Variants in SORCS2 observed in about 807,000 individuals in gnomAD.
SORCS2 encodes VPS10 domain-containing receptor SorCS2.
Under a neutral mutation model 141.6 loss-of-function variants are expected in SORCS2, and 100 were observed. That is an observed-to-expected ratio of 0.71 (90% CI 0.60 to 0.83). The LOEUF (loss-of-function observed/expected upper bound fraction) is 0.83, where lower values mean the gene tolerates loss of function less well. Among genes scored for constraint, SORCS2 ranks in the 40% least tolerant of loss-of-function variants. The pLI, the probability that SORCS2 is intolerant of heterozygous loss-of-function variation, is 0.00. For synonymous variants in SORCS2, 789 were observed against 676.9 expected (o/e 1.17, Z -2.57); for missense variants, 1,646 against 1,560.2 (o/e 1.05, Z -0.93).
intron 3 of SORCS2, among the ~76,000 whole-genome samples, chr4:7,579,306 G>A (rs995558300): frequency 6.6e-5 from 10 of 152,084 alleles, no homozygotes; most frequent in African/African-American, 2.4e-4. Flanking sequence ...CATATACTGA[G>A]TAGCTGAGTA....
chr4:7,359,286 A>T (rs531921905), intron 1 of SORCS2, among the ~76,000 whole-genome samples: 1 of 150,600 alleles, frequency 6.6e-6, no homozygotes, highest in Admixed American at 6.6e-5. Flanking sequence ...ACAGAGCGAG[A>T]CTCTGTTAAG....
intron 7 of SORCS2, among the ~76,000 whole-genome samples, chr4:7,665,493 TC>T (rs1200816318): frequency 6.6e-6 from 1 of 152,210 alleles, no homozygotes; most frequent in Non-Finnish European, 1.5e-5. Flanking sequence ...ACTGGCTGAT[TC>T]CTGCTCCTTC....
At chr4:7,235,513 G>A (rs751712423) in intron 1 of SORCS2, among the ~76,000 whole-genome samples, 1 of 152,208 alleles carries the variant, frequency 6.6e-6, no homozygotes, top group Non-Finnish European at 1.5e-5. Context: ...AGGTTTCTGC[G>A]ACTGCAGAGA....
rs114324638 is a variant in SORCS2, at chr4:7,233,073, G to C, written c.480+39947G>C. Among the ~76,000 whole-genome samples, 2 of 152,156 alleles carry C rather than the reference G, an allele frequency of 1.3e-5. No individual in the cohort carries two copies. The highest frequency in any genetic ancestry group is 2.1e-4 in the South Asian group (1 of 4,834). On this transcript the variant is annotated intron_variant, in intron 1 of 26. Transcript: ENST00000507866. This position sits in a 1 kb window ranked among gnomAD's most constrained non-coding sequence, Gnocchi z 4.5. ...TGGGTCAGCTGAGCCCAGGAGTCAG[G>C]CTTCGGCACCCGCATGTTCAACTAC...
intron 2 of SORCS2, among the ~76,000 whole-genome samples, chr4:7,498,341 C>A (rs1184467589): frequency 6.6e-6 from 1 of 152,178 alleles, no homozygotes; most frequent in East Asian, 1.9e-4. Flanking sequence ...AGGGGAGGCC[C>A]AGAGTGGGAG....
chr4:7,514,072 C>T (rs781633211), intron 2 of SORCS2, among the ~76,000 whole-genome samples: 63 of 152,070 alleles, frequency 4.1e-4, no homozygotes, highest in South Asian at 6.2e-4. Context: ...GGCTGGGAGC[C>T]GAGGACACAG....
chr4:7,207,591 A>T (rs943400521), intron 1 of SORCS2, among the ~76,000 whole-genome samples: 1 of 152,200 alleles, frequency 6.6e-6, no homozygotes, highest in African/African-American at 2.4e-5. Flanking sequence ...TATGGCACAT[A>T]TAAGTAAAGG....
At position 7,381,154 on chromosome 4, in the gene SORCS2, C is replaced by G. The variant is rs550170721; in HGVS notation, c.481-15134C>G. 3.3e-5 allele frequency among the ~76,000 whole-genome samples: 5 copies of G among 151,094 alleles called. No homozygotes were observed. In the South Asian group the frequency reaches 1.0e-3, roughly 32 times the overall value. On this transcript the variant is annotated intron_variant, in intron 1 of 26. Transcript: ENST00000507866. ...TGATGTATCCTCCTGGTGGGTGATT[C>G]TGGTGCAGATGTTTGAAGATAGTCC...
At chr4:7,604,593 C>A (rs1046217539) in intron 3 of SORCS2, among the ~76,000 whole-genome samples, 1 of 152,190 alleles carries the variant, frequency 6.6e-6, no homozygotes, top group Non-Finnish European at 1.5e-5. Context: ...GCCGCCGCGC[C>A]CGGCCTATGG....
At chr4:7,339,651 C>T (rs1378941592) in intron 1 of SORCS2, among the ~76,000 whole-genome samples, 1 of 152,200 alleles carries the variant, frequency 6.6e-6, no homozygotes, top group Non-Finnish European at 1.5e-5. Flanking sequence ...ACCAAATGAC[C>T]TCATTTTACC....
At chr4:7,559,046 C>G (rs990790897) in intron 3 of SORCS2, among the ~76,000 whole-genome samples, 1 of 152,236 alleles carries the variant, frequency 6.6e-6, no homozygotes, top group African/African-American at 2.4e-5. Context: ...CTCGCTTCCT[C>G]TGCATCATTT....
chr4:7,689,694 G>C, intron 11 of SORCS2, 106 bp downstream of exon 11: 2 of 1,026,052 alleles, frequency 1.9e-6, no homozygotes, highest in Non-Finnish European at 1.4e-6. Context: ...GCCATAGTAT[G>C]TCCTTTAGGA....
rs117150985 is a variant in SORCS2 at position 7,657,703 on chromosome 4, A to G, written c.887+3496A>G. On this transcript the variant is annotated intron_variant, in intron 5 of 26. Coordinates refer to ENST00000507866, the MANE Select transcript of SORCS2 (RefSeq NM_020777.3). ...GAGTGACTGAGTCTGTGATTGAGTG[A>G]ATGAGTGAGTAGCTGAGTGAGTGAG... is the stretch of plus-strand genomic sequence containing the variant. Among the ~76,000 whole-genome samples the G allele has an allele frequency of 3.9e-3, 586 of 151,988 alleles. 8 individuals are homozygous for G. Among genetic ancestry groups the G allele is most frequent in the East Asian group, 0.011 (58 of 5,140 alleles).
rs1188011294 is a variant in SORCS2 at position 7,742,643 on chromosome 4, G to C, written c.*2379G>C. Reference sequence around the variant, plus strand: ...GAGATCCAGGCGTGGGCCCGTGTCTGTCCCTGGTTGTAAATTCGAGGGTCT... The same window carrying C: ...GAGATCCAGGCGTGGGCCCGTGTCTCTCCCTGGTTGTAAATTCGAGGGTCT... On this transcript the variant is annotated 3_prime_UTR_variant, in exon 27 of 27. Transcript: ENST00000507866. 1.3e-5 allele frequency: 2 copies of C among 152,228 alleles called. No individual in the cohort carries two copies. The highest frequency in any genetic ancestry group is 2.9e-5 in the Non-Finnish European group (2 of 68,048). The allele number at this position is 152,228 out of a possible 1,614,324, so 9.4% of individuals were successfully genotyped here. A position where few individuals can be genotyped will look rare whatever the true frequency, so the allele number is the denominator to read the frequency against.
At chr4:7,333,675 C>T (rs1348235075) in intron 1 of SORCS2, among the ~76,000 whole-genome samples, 2 of 152,174 alleles carry the variant, frequency 1.3e-5, no homozygotes, top group Non-Finnish European at 2.9e-5. Flanking sequence ...CTGACTTAGC[C>T]CAAGCCCAGG....
At chr4:7,547,747 T>A (rs553886915) in intron 3 of SORCS2, among the ~76,000 whole-genome samples, 1 of 152,352 alleles carries the variant, frequency 6.6e-6, no homozygotes, top group African/African-American at 2.4e-5. Context: ...GAGACCTGCA[T>A]GTGCCTGTCT....
At chr4:7,270,256 C>CGGCA (rs1715026263) in intron 1 of SORCS2, among the ~76,000 whole-genome samples, 1 of 152,236 alleles carries the variant, frequency 6.6e-6, no homozygotes, top group Admixed American at 6.5e-5. Flanking sequence ...GCAGAGCAGG[C>CGGCA]GGCACCAGGA....
At chr4:7,374,941 T>C (rs1722543828) in intron 1 of SORCS2, among the ~76,000 whole-genome samples, 1 of 152,146 alleles carries the variant, frequency 6.6e-6, no homozygotes. Context: ...CAGTGGACAC[T>C]TTGCTGTTGG....
chr4:7,683,348 G>A (rs547927551), intron 10 of SORCS2, among the ~76,000 whole-genome samples: 1 of 142,700 alleles, frequency 7.0e-6, no homozygotes, highest in South Asian at 2.2e-4. Flanking sequence ...TCCGCTGAGC[G>A]GCTCTGCTGA....
Sources: gnomAD v4.1 joint callset for allele counts (sites outside exome capture counted in the v4.1 genomes callset) on GRCh38, gnomAD v4.1.1 for gene constraint, Gnocchi (gnomAD v3.1) non-coding constraint, MANE v1.5 for transcripts, NCBI Gene and HGNC (gene_info 2026-07-23, HGNC 2026-07-21) for gene names.